The following KLHL1 variants were observed in gnomAD, a reference collection of about 807,000 sequenced individuals.
KLHL1 encodes the protein kelch like family member 1.
Under a neutral mutation model 77.7 loss-of-function variants are expected in KLHL1, and 47 were observed. That is an observed-to-expected ratio of 0.60 (90% confidence interval 0.48 to 0.77). The LOEUF (loss-of-function observed/expected upper bound fraction) is 0.77, where lower values mean the gene tolerates loss of function less well. KLHL1 is among the 30% of genes least tolerant of loss of function. The probability of loss-of-function intolerance (pLI) is 0.00; values close to 1 mark genes in which losing one functional copy is unlikely to be tolerated. For synonymous variants in KLHL1, 360 were observed against 325.2 expected, an observed-to-expected ratio of 1.11 and a Z score of -1.15; for missense variants, 925 against 910.8, an observed-to-expected ratio of 1.02 and a Z score of -0.20.
intron 7 of KLHL1, among the ~76,000 whole-genome samples, chr13:69,788,924 A>C (rs1417028426): frequency 6.6e-6 from 1 of 152,154 alleles, no homozygotes; most frequent in Non-Finnish European, 1.5e-5. Context: ...AATGGCTATT[A>C]CAAAAATGAC....
intron 1 of KLHL1, among the ~76,000 whole-genome samples, chr13:70,012,467 C>T (rs1045739392): frequency 2.6e-5 from 4 of 152,012 alleles, no homozygotes; most frequent in Non-Finnish European, 4.4e-5. Flanking sequence ...GGAACCTTCT[C>T]CTTCCTATGA....
intron 6 of KLHL1, among the ~76,000 whole-genome samples, chr13:69,819,900 GAA>G (rs1878266576): frequency 6.6e-6 from 1 of 152,158 alleles, no homozygotes; most frequent in South Asian, 2.1e-4. Context: ...TCTTGCTTTA[GAA>G]TGAAATAATC....
At chr13:70,090,543 GCTTT>G (rs1887648360) in intron 1 of KLHL1, among the ~76,000 whole-genome samples, 1 of 151,588 alleles carries the variant, frequency 6.6e-6, no homozygotes, top group African/African-American at 2.4e-5. Flanking sequence ...TCTTTCTCTT[GCTTT>G]CTTTGACAGA....
chr13:69,889,584 T>C (rs984207811), intron 4 of KLHL1, among the ~76,000 whole-genome samples: 2 of 152,086 alleles, frequency 1.3e-5, no homozygotes, highest in Non-Finnish European at 2.9e-5. Context: ...ACCCTTACTC[T>C]TAAGGTGCTC....
At chr13:70,022,838 T>G (rs560112580) in intron 1 of KLHL1, among the ~76,000 whole-genome samples, 3 of 151,988 alleles carry the variant, frequency 2.0e-5, no homozygotes, top group Non-Finnish European at 4.4e-5. Flanking sequence ...CCTTCTTTGA[T>G]GCATAGTTTA....
chr13:70,072,694 A>G (rs963448809), intron 1 of KLHL1, among the ~76,000 whole-genome samples: 1 of 152,128 alleles, frequency 6.6e-6, no homozygotes, highest in Admixed American at 6.5e-5. Context: ...AGAAAAAAAA[A>G]GGGGGATTAT....
intron 2 of KLHL1, among the ~76,000 whole-genome samples, chr13:69,972,278 T>C (rs1485181013): frequency 2.0e-5 from 3 of 151,944 alleles, no homozygotes; most frequent in Non-Finnish European, 4.4e-5. Flanking sequence ...CTCAACTGTC[T>C]ACATACTAGT....
chr13:69,941,971 TC>T (rs1430610264), intron 3 of KLHL1, among the ~76,000 whole-genome samples: 1 of 151,636 alleles, frequency 6.6e-6, no homozygotes, highest in Non-Finnish European at 1.5e-5. Flanking sequence ...TTAAAAAAAC[TC>T]CCCCAAAATC....
At chr13:69,998,942 G>T (rs898338057) in intron 1 of KLHL1, among the ~76,000 whole-genome samples, 39 of 151,946 alleles carry the variant, frequency 2.6e-4, no homozygotes, top group African/African-American at 9.4e-4. Context: ...CTTCCCACAT[G>T]ACGTCTCCAG....
intron 5 of KLHL1, among the ~76,000 whole-genome samples, chr13:69,854,867 T>A (rs1236882367): frequency 6.6e-6 from 1 of 152,022 alleles, no homozygotes; most frequent in Non-Finnish European, 1.5e-5. Flanking sequence ...AAGAAAATTC[T>A]TAATTGTAAC....
chr13:70,011,109 C>T (rs879270912), intron 1 of KLHL1, among the ~76,000 whole-genome samples: 16 of 151,996 alleles, frequency 1.1e-4, no homozygotes, highest in African/African-American at 2.7e-4. Flanking sequence ...CAATGACTAC[C>T]TGTACCAAAA....
At chr13:69,830,653 T>A (rs760672407) in intron 6 of KLHL1, among the ~76,000 whole-genome samples, 21 of 150,210 alleles carry the variant, frequency 1.4e-4, no homozygotes, top group Non-Finnish European at 2.2e-4. Flanking sequence ...TACATTCTAT[T>A]CATCAGCACA....
chr13:69,739,202 T>A (rs1351889056), intron 8 of KLHL1, among the ~76,000 whole-genome samples: 5 of 152,182 alleles, frequency 3.3e-5, no homozygotes, highest in Admixed American at 6.6e-5. Flanking sequence ...AAGCAAATGC[T>A]GAGGGAATTT....
intron 8 of KLHL1, 88 bp from the exon 9 acceptor site, chr13:69,719,669 T>A: frequency 1.0e-6 from 1 of 956,452 alleles, no homozygotes; most frequent in Non-Finnish European, 1.6e-6. Flanking sequence ...ATTTTCACAG[T>A]ATGAGGCTCA....
At chr13:69,914,738 T>C (rs1882363976) in intron 4 of KLHL1, among the ~76,000 whole-genome samples, 3 of 152,152 alleles carry the variant, frequency 2.0e-5, no homozygotes. Context: ...ATATAAACAA[T>C]ATATATATGT....
In KLHL1 at chr13:69,961,257, G is replaced by A. The variant is rs748944569; in HGVS notation, c.817+51C>T. 12 of 1,548,958 alleles carry A rather than the reference G, an allele frequency of 7.7e-6. No individual in the cohort carries two copies. The African/African-American group carries it at 1.5e-4, about 19-fold the overall frequency. Reference sequence around the variant, plus strand: ...GTTAAATCCTGTACTTAAAGGAAATGAGCTAAAATTTATAAGACATCAGAA... The same window carrying A: ...GTTAAATCCTGTACTTAAAGGAAATAAGCTAAAATTTATAAGACATCAGAA... On this transcript the variant is annotated intron_variant, in intron 3 of 10. Coordinates refer to ENST00000377844, the MANE Select transcript of KLHL1 (RefSeq NM_020866.3).
chr13:69,742,614 A>C (rs1333314771), intron 7 of KLHL1, among the ~76,000 whole-genome samples: 1 of 152,314 alleles, frequency 6.6e-6, no homozygotes, highest in African/African-American at 2.4e-5. Flanking sequence ...GAATAAGTAC[A>C]TTGTTCCCAA....
intron 1 of KLHL1, among the ~76,000 whole-genome samples, chr13:70,094,393 T>A (rs975032723): frequency 3.1e-4 from 42 of 137,158 alleles, no homozygotes; most frequent in African/African-American, 1.2e-3. Context: ...GCAATCATCT[T>A]TATATATATA....
Position 70,108,081 on chromosome 13 carries a change from G to T in KLHL1, c.-382C>A. ...GGAGGTCTGAGCGCTCCGAAGCTCC[G>T]GAGGCGGCTGCAGCTGGATACACCT... On this transcript the variant is annotated 5_prime_UTR_variant, in exon 1 of 11. Transcript: ENST00000377844. 1 of 416,298 alleles carries T rather than the reference G, an allele frequency of 2.4e-6. No homozygotes were observed. The highest frequency in any genetic ancestry group is 4.2e-6 in the Non-Finnish European group (1 of 236,102). 25.8% of individuals were successfully genotyped at this position (416,298 alleles called of 1,614,324 possible).
Sources: allele counts gnomAD v4.1 joint callset (sites outside exome capture counted in the v4.1 genomes callset), GRCh38; gene constraint gnomAD v4.1.1; transcripts MANE v1.5; gene names NCBI Gene and HGNC (gene_info 2026-07-23, HGNC 2026-07-21).